The following PCDHGA1 variants were observed in gnomAD, a reference collection of about 807,000 sequenced individuals.
The protein encoded by PCDHGA1 is protocadherin gamma-A1.
PCDHGA1 carries 32 observed loss-of-function variants against 58.0 expected under a neutral mutation model. The observed-to-expected ratio is 0.55, with a 90% CI of 0.42 to 0.74. The LOEUF (loss-of-function observed/expected upper bound fraction) is 0.74, where lower values mean the gene tolerates loss of function less well. Ranked by LOEUF, PCDHGA1 falls within the 30% of genes least tolerant of loss-of-function variation. PCDHGA1 has a pLI of 0.00. For synonymous variants in PCDHGA1, 498 were observed against 501.1 expected (o/e 0.99, Z 0.08); for missense variants, 1,205 against 1,182.3 (o/e 1.02, Z -0.28).
Position 141,385,517 on chromosome 5 carries a change from T to G in PCDHGA1, c.2421+52412T>G, listed in dbSNP as rs887255170. 4.4e-6 allele frequency: 6 copies of G among 1,367,514 alleles called. No individual in the cohort carries two copies. In the Admixed American group the frequency reaches 2.0e-4, roughly 47 times the overall value. The allele number at this position is 1,367,514 out of a possible 1,614,324, so 84.7% of individuals were successfully genotyped here. A position where few individuals can be genotyped will look rare whatever the true frequency, so the allele number is the denominator to read the frequency against. The stretch of plus-strand genomic sequence containing the variant: ...ATATAGTATTTCTTTAGTGAAAGCC[T>G]ATGGACAAGATTATGAATATGTGGA... On this transcript the variant is annotated intron_variant, in intron 1 of 3. Transcript: ENST00000517417.
At chr5:141,495,149 G>A (rs1448841303) in intron 2 of PCDHGA1, among the ~76,000 whole-genome samples, 1 of 152,170 alleles carries the variant, frequency 6.6e-6, no homozygotes, top group Non-Finnish European at 1.5e-5. Context: ...CCAAAGGATG[G>A]TCTTAAGCTG....
At chr5:141,455,270 A>T (rs2098818132) in intron 1 of PCDHGA1, among the ~76,000 whole-genome samples, 1 of 151,958 alleles carries the variant, frequency 6.6e-6, no homozygotes, top group South Asian at 2.1e-4. Context: ...CTTCCCATTG[A>T]TTATTAACAT....
chr5:141,421,058 A>G, intron 1 of PCDHGA1: 2 of 577,316 alleles, frequency 3.5e-6, no homozygotes, highest in Non-Finnish European at 3.0e-6. Context: ...TCTACCACAC[A>G]AAGCGGAATG....
rs1386912520 is a variant in PCDHGA1 at position 141,505,425 on chromosome 5, C to T, written c.2513C>T (p.Pro838Leu). 1.2e-6 allele frequency: 2 copies of T among 1,614,060 alleles called. No individual in the cohort carries two copies. The highest frequency in any genetic ancestry group is 1.7e-6 in the Non-Finnish European group (2 of 1,180,022). The change falls in exon 3 of 4, where the codon CCC becomes CTC. Residue 838 changes from proline to leucine, a missense_variant. Physicochemically the swap from Pro to Leu is moderately conservative, Grantham distance 98 (BLOSUM62 -3). Transcript: ENST00000517417. ...AATGGCGATGACACCGGCACCTGGC[C>T]CAACAACCAGTTTGACACAGAGATG... ...SQNGDDTGTW[P>L]NNQFDTEMLQ... is the part of the protein sequence containing the mutation.
chr5:141,460,979 GTGTGTATATATATATA>G (rs2099004425), intron 1 of PCDHGA1, among the ~76,000 whole-genome samples: 1 of 134,290 alleles, frequency 7.4e-6, no homozygotes, highest in Non-Finnish European at 1.5e-5. Flanking sequence ...GTGTGTGTGT[GTGTGTATATATATATA>G]TGTGTATATA....
At chr5:141,398,604 T>C (rs2093677345) in intron 1 of PCDHGA1, 1 of 1,613,930 alleles carries the variant, frequency 6.2e-7, no homozygotes, top group South Asian at 1.1e-5. Flanking sequence ...TAGCAGAAGA[T>C]GCAGATATTG....
chr5:141,437,651 CAT>C (rs1255783396), intron 1 of PCDHGA1, among the ~76,000 whole-genome samples: 2 of 151,990 alleles, frequency 1.3e-5, no homozygotes, highest in Non-Finnish European at 2.9e-5. Context: ...AAAGCAAACA[CAT>C]AGTTTCGAAG....
At chr5:141,357,440 G>A (rs939127168) in intron 1 of PCDHGA1, 6 of 1,614,198 alleles carry the variant, frequency 3.7e-6, no homozygotes, top group South Asian at 1.1e-5. Context: ...GACGGGGTTC[G>A]GGCTTTCCTG....
Position 141,362,628 on chromosome 5 carries a change from C to A in PCDHGA1, c.2421+29523C>A, listed in dbSNP as rs1366089431. ...CTAATTTGGGTAGGAAGTTCCACTG[C>A]GTATTTCTTTGTCTGTGAGTTAGAT... On this transcript the variant is annotated intron_variant, in intron 1 of 3. Transcript: ENST00000517417. 5 of 1,498,628 alleles carry A rather than the reference C, an allele frequency of 3.3e-6. No homozygotes were observed. In the East Asian group the frequency reaches 1.2e-4, roughly 35 times the overall value. 92.8% of individuals were successfully genotyped at this position (1,498,628 alleles called of 1,614,324 possible).
Position 141,491,543 on chromosome 5 carries a change from A to G in PCDHGA1, c.2422-3264A>G. 6.2e-7 allele frequency: 1 copy of G among 1,613,842 alleles called. No individual in the cohort carries two copies. The highest frequency in any genetic ancestry group is 8.5e-7 in the Non-Finnish European group (1 of 1,179,982). ...ATGGAGGTGACGCTGCGGCCCACAG[A>G]CTCGCAGAGCCACTGCTACAGGACG... On this transcript the variant is annotated intron_variant, in intron 1 of 3. Coordinates refer to ENST00000517417, the MANE Select transcript of PCDHGA1 (RefSeq NM_018912.3). The surrounding 1 kb of genome is among the most constrained non-coding windows in gnomAD (Gnocchi z 6.9).
chr5:141,487,040 C>T lies in PCDHGA1; in HGVS notation c.2422-7767C>T, dbSNP rs374574042. The T allele has an allele frequency of 3.7e-6, 6 of 1,614,136 alleles. No homozygotes were observed. Among genetic ancestry groups the T allele is most frequent in the South Asian group, 1.1e-5 (1 of 91,082 alleles). On this transcript the variant is annotated intron_variant, in intron 1 of 3. Transcript: ENST00000517417. This position sits in a 1 kb window ranked among gnomAD's most constrained non-coding sequence, Gnocchi z 5.0. Reference sequence around the variant, plus strand: ...AGATCCCAGCCTGTTTGCAGTCTCTCGATATGCTGGGGAGGTGCGGACGGC... The same window carrying T: ...AGATCCCAGCCTGTTTGCAGTCTCTTGATATGCTGGGGAGGTGCGGACGGC...
At chr5:141,376,410 C>T (rs1042594456) in intron 1 of PCDHGA1, 20 of 1,614,226 alleles carry the variant, frequency 1.2e-5, no homozygotes, top group Non-Finnish European at 1.7e-5. Flanking sequence ...CCCAACTATG[C>T]CGACACGCTT....
intron 1 of PCDHGA1, among the ~76,000 whole-genome samples, chr5:141,348,766 G>A (rs1267863177): frequency 6.6e-6 from 1 of 152,232 alleles, no homozygotes; most frequent in Non-Finnish European, 1.5e-5. Context: ...ATAAAGGCAT[G>A]ATGCAAGGAA....
At position 141,332,806 on chromosome 5, in the gene PCDHGA1, G is replaced by C. The variant is rs144483624; in HGVS notation, c.2122G>C (p.Val708Leu). 4.2e-4 allele frequency: 670 copies of C among 1,614,076 alleles called. No homozygotes were observed. The highest frequency in any genetic ancestry group is 5.4e-4 in the Non-Finnish European group (635 of 1,180,042). Residue 708 changes from valine (V) to leucine (L), a missense_variant, in exon 1 of 4, where the codon GTC becomes CTC. Transcript: ENST00000517417. This position sits in a 1 kb window ranked among gnomAD's most constrained non-coding sequence, Gnocchi z 4.6. ...GGTCTCCTGCGTCTTCCTGGCCTTC[G>C]TCATCGTGCTGCTGGCGCACAGGCT... ...AAVSCVFLAF[V>L]IVLLAHRLRR...
At chr5:141,468,931 G>A (rs1321821773) in intron 1 of PCDHGA1, among the ~76,000 whole-genome samples, 2 of 148,600 alleles carry the variant, frequency 1.3e-5, no homozygotes, top group Non-Finnish European at 3.0e-5. Flanking sequence ...GCACTAAAAT[G>A]GGAGATGGGG....
intron 3 of PCDHGA1, among the ~76,000 whole-genome samples, chr5:141,505,995 C>T (rs1041284805): frequency 5.3e-5 from 8 of 152,142 alleles, no homozygotes; most frequent in African/African-American, 1.4e-4. Flanking sequence ...CCTCTTTATG[C>T]GAGGCTCCTC....
rs745778398 is a variant in PCDHGA1, at chr5:141,389,350, T to A, written c.2421+56245T>A. The A allele has an allele frequency of 1.6e-5, 26 of 1,613,964 alleles. No individual in the cohort carries two copies. Among genetic ancestry groups the A allele is most frequent in the Non-Finnish European group, 2.2e-5 (26 of 1,179,910 alleles). Reference sequence around the variant, plus strand: ...CCCAACGGCCAAGTCTCTTACTGCATCATGGCCAGTGACCTGGAGCAGCGG... The same window carrying A: ...CCCAACGGCCAAGTCTCTTACTGCAACATGGCCAGTGACCTGGAGCAGCGG... On this transcript the variant is annotated intron_variant, in intron 1 of 3. Coordinates refer to ENST00000517417, the MANE Select transcript of PCDHGA1 (RefSeq NM_018912.3).
intron 1 of PCDHGA1, chr5:141,390,412 C>A: frequency 8.3e-7 from 1 of 1,206,056 alleles, no homozygotes; most frequent in Admixed American, 2.5e-5. Flanking sequence ...AAGTTGTAGT[C>A]AGTTAAAAAG....
rs775380177 is a variant in PCDHGA1, at chr5:141,422,666, C to T, written c.2422-72141C>T. The T allele has an allele frequency of 3.1e-6, 5 of 1,608,026 alleles. No individual in the cohort carries two copies. In the South Asian group the frequency reaches 3.3e-5, roughly 11 times the overall value. ...ATCTTCTCAGTGACCGCCCTCGACC[C>T]GGACAGCAAACAGAATGCCCTGGTC... On this transcript the variant is annotated intron_variant, in intron 1 of 3. Transcript: ENST00000517417.
Sources: gnomAD v4.1 joint callset for allele counts (sites outside exome capture counted in the v4.1 genomes callset) on GRCh38, gnomAD v4.1.1 for gene constraint, Gnocchi (gnomAD v3.1) non-coding constraint, MANE v1.5 for transcripts, NCBI Gene and HGNC (gene_info 2026-07-23, HGNC 2026-07-21) for gene names.